The following SCN1A variants were observed in gnomAD, a reference collection of about 807,000 sequenced individuals.
SCN1A encodes sodium voltage-gated channel alpha subunit 1, also known as sodium channel protein type 1 subunit alpha.
Under a neutral mutation model 193.7 loss-of-function variants are expected in SCN1A, and 13 were observed. That is an observed-to-expected ratio of 0.07 (90% CI 0.04 to 0.11). The LOEUF (loss-of-function observed/expected upper bound fraction) is 0.11. Among genes scored for constraint, SCN1A ranks in the 10% least tolerant of loss-of-function variants. The pLI, the probability that SCN1A is intolerant of heterozygous loss-of-function variation, is 1.00. For synonymous variants in SCN1A, 781 were observed against 843.6 expected, an observed-to-expected ratio of 0.93 and a Z score of 1.29; for missense variants, 1,432 against 2,451.1, an observed-to-expected ratio of 0.58 and a Z score of 8.78.
Position 166,066,219 on chromosome 2 carries a change from G to T in SCN1A, c.264+7139C>A, listed in dbSNP as rs1013054413. ...AAGAAATTATAACAACAAGGAAAAA[G>T]AATAAAATCTGGAGCTGAAACATTT... On this transcript the variant is annotated intron_variant, in intron 4 of 28. Coordinates refer to ENST00000674923, the MANE Select transcript of SCN1A (RefSeq NM_001165963.4). Among the ~76,000 whole-genome samples the T allele has an allele frequency of 1.1e-4, 16 of 152,226 alleles. 1 individual carries two copies. Among genetic ancestry groups the T allele is most frequent in the African/African-American group, 3.9e-4 (16 of 41,538 alleles).
chr2:166,014,698 A>T (rs886331822), intron 20 of SCN1A, among the ~76,000 whole-genome samples: 2 of 150,218 alleles, frequency 1.3e-5, no homozygotes, highest in Non-Finnish European at 3.0e-5. Flanking sequence ...AAAGGGAATG[A>T]ATGGAGAAAA....
chr2:166,065,976 G>A (rs1430816539), intron 4 of SCN1A, among the ~76,000 whole-genome samples: 1 of 152,144 alleles, frequency 6.6e-6, no homozygotes, highest in Non-Finnish European at 1.5e-5. Flanking sequence ...ATGCCTCACA[G>A]TCAGTTTTTA....
chr2:166,002,413 CATTATTTTGTT>C, intron 24 of SCN1A, 48 bp downstream of exon 24: 1 of 1,477,196 alleles, frequency 6.8e-7, no homozygotes, highest in Non-Finnish European at 9.3e-7. Context: ...AGATGTATGT[CATTATTTTGTT>C]ATTATTCCAA....
chr2:166,052,835 TCTAA>T lies in SCN1A; in HGVS notation c.694+13_694+16del. 6.3e-7 allele frequency: 1 copy of T among 1,597,800 alleles called. No individual in the cohort carries two copies. The highest frequency in any genetic ancestry group is 1.1e-5 in the South Asian group (1 of 90,562). Reference sequence around the variant, plus strand: ...ATCACATGATGGGTCCGTCTCATTATCTAACCTTGCTCTCACCTGGAATGACTGA... The same window carrying T: ...ATCACATGATGGGTCCGTCTCATTATCCTTGCTCTCACCTGGAATGACTGA... On this transcript the variant is annotated intron_variant, in intron 8 of 28. Coordinates refer to ENST00000674923, the MANE Select transcript of SCN1A (RefSeq NM_001165963.4).
At chr2:166,135,121 T>C (rs977548939) in intron 1 of SCN1A, among the ~76,000 whole-genome samples, 4 of 152,072 alleles carry the variant, frequency 2.6e-5, no homozygotes, top group Non-Finnish European at 2.9e-5. Flanking sequence ...CCGACATCCC[T>C]TGCAAAGATG....
At chr2:166,080,215 T>A (rs921889444) in intron 2 of SCN1A, among the ~76,000 whole-genome samples, 3 of 151,754 alleles carry the variant, frequency 2.0e-5, no homozygotes, top group Non-Finnish European at 4.4e-5. Flanking sequence ...TACATGTCAC[T>A]AGATACGGGG....
chr2:166,009,073 T>C (rs1019460471), intron 23 of SCN1A, among the ~76,000 whole-genome samples: 6 of 151,036 alleles, frequency 4.0e-5, no homozygotes, highest in African/African-American at 1.2e-4. Context: ...CCTATAGTAA[T>C]GAGTCAAAAT....
chr2:166,143,181 T>TTTTTTC (rs1371966613), intron 1 of SCN1A, among the ~76,000 whole-genome samples: 3 of 150,968 alleles, frequency 2.0e-5, no homozygotes, highest in African/African-American at 7.3e-5. Context: ...TTTTTTTTTT[T>TTTTTTC]TTTGAGATGG....
intron 23 of SCN1A, among the ~76,000 whole-genome samples, chr2:166,007,963 T>C (rs1158564504): frequency 6.6e-6 from 1 of 151,268 alleles, no homozygotes; most frequent in African/African-American, 2.4e-5. Context: ...TATAACGTTA[T>C]TTTGACTCTA....
intron 7 of SCN1A, 73 bp from the exon 8 acceptor site, chr2:166,053,016 C>A: frequency 7.0e-7 from 1 of 1,430,494 alleles, no homozygotes; most frequent in Non-Finnish European, 9.9e-7. Flanking sequence ...AAGAGCCTAT[C>A]CTTTACTCTA....
chr2:166,136,615 C>T (rs1214750565), intron 1 of SCN1A, among the ~76,000 whole-genome samples: 1 of 152,020 alleles, frequency 6.6e-6, no homozygotes, highest in Admixed American at 6.5e-5. Flanking sequence ...TAAAATTATA[C>T]CTCAGATGCA....
chr2:166,058,426 A>T, intron 5 of SCN1A, 144 bp downstream of exon 5: 2 of 536,312 alleles, frequency 3.7e-6, no homozygotes, highest in South Asian at 5.4e-5. Context: ...AACTTTAAGA[A>T]TGAGGCTAAT....
chr2:166,142,765 T>A (rs35548017), intron 1 of SCN1A, among the ~76,000 whole-genome samples: 11,441 of 152,252 alleles, frequency 0.075, 553 homozygotes, highest in Middle Eastern at 0.21. Flanking sequence ...ATTATAATAA[T>A]CCCCATGTGT....
intron 1 of SCN1A, among the ~76,000 whole-genome samples, chr2:166,138,790 CACTG>C (rs1300960959): frequency 6.6e-6 from 1 of 152,110 alleles, no homozygotes; most frequent in Admixed American, 6.5e-5. Flanking sequence ...ATGGTAGATC[CACTG>C]ACAGCTTGCA....
chr2:166,055,090 A>G (rs1698993364), intron 6 of SCN1A, among the ~76,000 whole-genome samples: 1 of 151,990 alleles, frequency 6.6e-6, no homozygotes, highest in Admixed American at 6.6e-5. Flanking sequence ...GGAATAGCCA[A>G]TCAATAATAT....
chr2:166,091,245 TC>T, intron 2 of SCN1A, among the ~76,000 whole-genome samples: 1 of 152,220 alleles, frequency 6.6e-6, no homozygotes, highest in South Asian at 2.1e-4. Context: ...AAAAGAGATT[TC>T]CTTTTTTTCC....
intron 19 of SCN1A, among the ~76,000 whole-genome samples, chr2:166,028,157 C>T (rs1695055277): frequency 6.6e-6 from 1 of 151,994 alleles, no homozygotes; most frequent in African/African-American, 2.4e-5. Context: ...CGATAGGTCA[C>T]ACATAAACTT....
chr2:165,993,938 A>G, intron 28 of SCN1A: 1 of 585,784 alleles, frequency 1.7e-6, no homozygotes. Context: ...ATTTACACTA[A>G]GTATATTGTT....
chr2:166,067,692 G>C (rs922269978), intron 4 of SCN1A, among the ~76,000 whole-genome samples: 1 of 144,624 alleles, frequency 6.9e-6, no homozygotes. Flanking sequence ...AGCATGTAGA[G>C]TACATAGCTT....
Sources: gnomAD v4.1 joint callset for allele counts (sites outside exome capture counted in the v4.1 genomes callset) on GRCh38, gnomAD v4.1.1 for gene constraint, MANE v1.5 for transcripts, NCBI Gene and HGNC (gene_info 2026-07-23, HGNC 2026-07-21) for gene names.